The following RAB38 variants were observed in gnomAD, a reference collection of about 807,000 sequenced individuals.
The protein encoded by RAB38 is RAB38, member RAS oncogene family, also known as ras-related protein Rab-38.
Under a neutral mutation model 18.4 loss-of-function variants are expected in RAB38, and 15 were observed. The observed-to-expected ratio is 0.82, with a 90% CI of 0.55 to 1.26. RAB38 has a LOEUF of 1.26. Ranked by LOEUF, RAB38 falls within the 50% of genes most tolerant of loss-of-function variation. The pLI is 0.00. For synonymous variants in RAB38, 101 were observed against 104.4 expected, an observed-to-expected ratio of 0.97 and a Z score of 0.20; for missense variants, 294 against 267.4, an observed-to-expected ratio of 1.10 and a Z score of -0.69.
the RAB38 span, among the ~76,000 whole-genome samples, chr11:87,851,842 A>C: frequency 1.1e-4 from 17 of 152,270 alleles, no homozygotes; most frequent in African/African-American, 3.6e-4. Context: ...AGGTTTTCCT[A>C]GACACTTTTA....
chr11:88,121,849 G>A (rs1310678429), intron 2 of RAB38, among the ~76,000 whole-genome samples: 1 of 151,588 alleles, frequency 6.6e-6, no homozygotes, highest in East Asian at 2.0e-4. Context: ...GGCGTGAGCT[G>A]CCGCGCCGGC....
At chr11:88,027,828 C>T in the RAB38 span, among the ~76,000 whole-genome samples, 1 of 152,312 alleles carries the variant, frequency 6.6e-6, no homozygotes, top group East Asian at 1.9e-4. Context: ...ACAGCAGTAA[C>T]CTCTGCAGAC....
At chr11:88,110,818 A>G (rs1288589455), downstream of RAB38, among the ~76,000 whole-genome samples, 1 of 147,136 alleles carries the variant, frequency 6.8e-6, no homozygotes, top group Admixed American at 6.6e-5. Context: ...CATCTCAAAA[A>G]AAAAAAAAAG....
chr11:88,009,338 A>T, the RAB38 span, among the ~76,000 whole-genome samples: 1 of 152,124 alleles, frequency 6.6e-6, no homozygotes, highest in East Asian at 1.9e-4. Flanking sequence ...CTCTTTCTCA[A>T]TATGTTATTA....
At chr11:87,888,392 A>G in the RAB38 span, among the ~76,000 whole-genome samples, 8 of 152,112 alleles carry the variant, frequency 5.3e-5, no homozygotes, top group Middle Eastern at 3.4e-3. Context: ...GCATGTGATA[A>G]TGAAAAGAGC....
intron 2 of RAB38, among the ~76,000 whole-genome samples, chr11:88,148,124 T>C (rs1279047275): frequency 2.6e-5 from 4 of 151,838 alleles, no homozygotes; most frequent in East Asian, 1.9e-4. Flanking sequence ...AAATTTTAAA[T>C]AGAATGAAAG....
At chr11:88,133,623 T>A (rs537101689) in intron 2 of RAB38, among the ~76,000 whole-genome samples, 38 of 152,314 alleles carry the variant, frequency 2.5e-4, no homozygotes, top group African/African-American at 8.7e-4. Flanking sequence ...AATTATTTAA[T>A]AACCTTATTT....
the RAB38 span, among the ~76,000 whole-genome samples, chr11:88,047,743 C>T: frequency 1.3e-5 from 2 of 152,202 alleles, no homozygotes; most frequent in African/African-American, 2.4e-5. Context: ...CAGGACAATG[C>T]TTATGCCGGT....
chr11:88,110,339 A>T (rs1473121797), downstream of RAB38, among the ~76,000 whole-genome samples: 1 of 152,044 alleles, frequency 6.6e-6, no homozygotes, highest in Non-Finnish European at 1.5e-5. Flanking sequence ...ACATGGACAC[A>T]GAGAGGGGAA....
In RAB38 at chr11:88,136,594, TA is replaced by T. The variant is rs554743920; in HGVS notation, c.483+13080del. Among the ~76,000 whole-genome samples, 464 of 152,252 alleles carry T rather than the reference TA, an allele frequency of 3.0e-3. 2 individuals carry two copies. Among genetic ancestry groups the T allele is most frequent in the African/African-American group, 0.01 (422 of 41,546 alleles). Reference sequence around the variant, plus strand: ...CTTTGTCTACTGGCTTTTTTAAAAGTAGAAAGCTGGAAAGAATGAGAACATG... The same window carrying T: ...CTTTGTCTACTGGCTTTTTTAAAAGTGAAAGCTGGAAAGAATGAGAACATG... On this transcript the variant is annotated intron_variant, in intron 2 of 2. Transcript: ENST00000243662.
At chr11:88,005,286 A>G in the RAB38 span, among the ~76,000 whole-genome samples, 8 of 151,522 alleles carry the variant, frequency 5.3e-5, no homozygotes, top group South Asian at 1.5e-3. Flanking sequence ...AGGTAGACAT[A>G]CAGATTAGTT....
chr11:88,068,073 C>T, the RAB38 span, among the ~76,000 whole-genome samples: 2 of 150,768 alleles, frequency 1.3e-5, no homozygotes, highest in African/African-American at 2.4e-5. Context: ...TACAAAAACT[C>T]AAATTCTACA....
At chr11:88,072,822 C>T in the RAB38 span, among the ~76,000 whole-genome samples, 1 of 152,098 alleles carries the variant, frequency 6.6e-6, no homozygotes, top group African/African-American at 2.4e-5. Flanking sequence ...AAAAAGACTT[C>T]TGGTTCCAAA....
At chr11:87,811,506 T>A in the RAB38 span, among the ~76,000 whole-genome samples, 1 of 152,200 alleles carries the variant, frequency 6.6e-6, no homozygotes, top group East Asian at 1.9e-4. Context: ...TCCCTATTTT[T>A]AAGAACCACG....
the RAB38 span, among the ~76,000 whole-genome samples, chr11:87,857,975 T>C: frequency 2.6e-5 from 4 of 152,182 alleles, no homozygotes; most frequent in African/African-American, 9.7e-5. Context: ...TAGGTTTTCT[T>C]CTAGGGTTTT....
chr11:87,912,701 G>A, the RAB38 span, among the ~76,000 whole-genome samples: 1 of 144,544 alleles, frequency 6.9e-6, no homozygotes, highest in Non-Finnish European at 1.5e-5. Context: ...CTATTTAATT[G>A]ATATCCACTT....
At chr11:88,088,719 G>A in the RAB38 span, among the ~76,000 whole-genome samples, 2 of 151,636 alleles carry the variant, frequency 1.3e-5, no homozygotes, top group Non-Finnish European at 2.9e-5. Flanking sequence ...AACATTCTAG[G>A]CCAGATGAGA....
chr11:88,038,245 A>G, the RAB38 span, among the ~76,000 whole-genome samples: 1 of 152,150 alleles, frequency 6.6e-6, no homozygotes, highest in Non-Finnish European at 1.5e-5. Flanking sequence ...GCTCAAGGCA[A>G]TTTATCAGCA....
the RAB38 span, among the ~76,000 whole-genome samples, chr11:88,034,941 C>T: frequency 3.3e-5 from 5 of 152,150 alleles, no homozygotes; most frequent in South Asian, 1.0e-3. Context: ...AGTGGTTGCA[C>T]CAACTTTATA....
Sources: gnomAD v4.1 joint callset for allele counts (sites outside exome capture counted in the v4.1 genomes callset) on GRCh38, gnomAD v4.1.1 for gene constraint, MANE v1.5 for transcripts, NCBI Gene and HGNC (gene_info 2026-07-23, HGNC 2026-07-21) for gene names.